OR51L1: variants seen among roughly 807,000 people sequenced by gnomAD.
OR51L1 encodes the protein olfactory receptor family 51 subfamily L member 1, also known as olfactory receptor 51L1.
Under a neutral mutation model 1.4 loss-of-function variants are expected in OR51L1, and 1 was observed. The ratio of observed to expected loss-of-function variants is 0.72; its 90% CI spans 0.26 to 3.42. OR51L1 has a LOEUF of 3.42. Among genes scored for constraint, OR51L1 ranks in the 30% most tolerant of loss-of-function variants. The pLI, the probability that OR51L1 is intolerant of heterozygous loss-of-function variation, is 0.20. For missense variants in OR51L1, 378 were observed against 380.0 expected, an observed-to-expected ratio of 0.99 and a Z score of 0.04; for synonymous variants, 156 against 144.2, an observed-to-expected ratio of 1.08 and a Z score of -0.59.
At chr11:4,997,780 A>G (rs948410095) in intron 2 of OR51L1, among the ~76,000 whole-genome samples, 197 bp downstream of exon 2, 39 of 152,318 alleles carry the variant, frequency 2.6e-4, no homozygotes, top group African/African-American at 8.7e-4. Context: ...GCTGAGGGAA[A>G]GTAAAGCCAG....
Position 5,000,829 on chromosome 11 carries a change from G to C in OR51L1, c.*899G>C, listed in dbSNP as rs1158939711. On this transcript the variant is annotated 3_prime_UTR_variant, in exon 3 of 3. Transcript: ENST00000641819. ...ACGGATGTTTATCTTGGGTCATCTGGTGGGTCATCCAGTAGTCTGGCCAGT... is the reference window on the plus strand; with the variant it reads ...ACGGATGTTTATCTTGGGTCATCTGCTGGGTCATCCAGTAGTCTGGCCAGT... 6.6e-6 allele frequency: 1 copy of C among 152,394 alleles called. No individual in the cohort carries two copies. Among genetic ancestry groups the C allele is most frequent in the Non-Finnish European group, 1.5e-5 (1 of 68,164 alleles). The allele number at this position is 152,394 out of a possible 1,614,324, so 9.4% of individuals were successfully genotyped here. A position where few individuals can be genotyped will look rare whatever the true frequency, so the allele number is the denominator to read the frequency against.
intron 1 of OR51L1, among the ~76,000 whole-genome samples, chr11:4,996,466 T>C (rs534595019): frequency 6.6e-6 from 1 of 152,162 alleles, no homozygotes; most frequent in African/African-American, 2.4e-5. Flanking sequence ...AATCTGCACA[T>C]AGGGGACTTG....
chr11:4,995,094 A>G lies in OR51L1; in HGVS notation c.-503A>G, dbSNP rs1302956285. 1.3e-5 allele frequency: 2 copies of G among 152,136 alleles called. No homozygotes were observed. Among genetic ancestry groups the G allele is most frequent in the African/African-American group, 4.8e-5 (2 of 41,454 alleles). 9.4% of individuals were successfully genotyped at this position (152,136 alleles called of 1,614,324 possible). A position where few individuals can be genotyped will look rare whatever the true frequency, so the allele number is the denominator to read the frequency against. ...ACACAAACTTAGATAAAAACAAAAT[A>G]TAAAAAAATGGCAGCAGGAAGGAGG... On this transcript the variant is annotated 5_prime_UTR_variant, in exon 1 of 3. It adds an upstream start codon to the 5' untranslated region. Transcript: ENST00000641819.
Position 5,003,569 on chromosome 11 carries a change from T to G in OR51L1, c.*3639T>G, listed in dbSNP as rs940660241. On this transcript the variant is annotated 3_prime_UTR_variant, in exon 3 of 3. Coordinates refer to ENST00000641819, the MANE Select transcript of OR51L1 (RefSeq NM_001004755.2). Reference sequence around the variant, plus strand: ...CCCAACCATTGCCTAACATTACTAGTGGGTAAGCTAGAGCCCTTTCCTGCC... The same window carrying G: ...CCCAACCATTGCCTAACATTACTAGGGGGTAAGCTAGAGCCCTTTCCTGCC... The G allele has an allele frequency of 6.6e-6, 1 of 152,076 alleles. No individual in the cohort carries two copies. The highest frequency in any genetic ancestry group is 1.5e-5 in the Non-Finnish European group (1 of 68,018). 9.4% of individuals were successfully genotyped at this position (152,076 alleles called of 1,614,324 possible). A position where few individuals can be genotyped will look rare whatever the true frequency, so the allele number is the denominator to read the frequency against.
intron 2 of OR51L1, among the ~76,000 whole-genome samples, chr11:4,998,080 T>C (rs528200639): frequency 1.3e-5 from 2 of 152,186 alleles, no homozygotes; most frequent in Admixed American, 1.3e-4. Flanking sequence ...AAATGCATTG[T>C]TCTCATTTTG....
In OR51L1 at chr11:5,005,234, A is replaced by G. The variant is rs1847165779; in HGVS notation, c.*5304A>G. On this transcript the variant is annotated 3_prime_UTR_variant, in exon 3 of 3. Coordinates refer to ENST00000641819, the MANE Select transcript of OR51L1 (RefSeq NM_001004755.2). ...CTTACAAGTTTATCTTCCCAGGTGC[A>G]GAAAAGTCAAGATTCATTTTCTTCA... 1 of 152,242 alleles carries G rather than the reference A, an allele frequency of 6.6e-6. No homozygotes were observed. Among genetic ancestry groups the G allele is most frequent in the Non-Finnish European group, 1.5e-5 (1 of 68,044 alleles). 9.4% of individuals were successfully genotyped at this position (152,242 alleles called of 1,614,324 possible). A position where few individuals can be genotyped will look rare whatever the true frequency, so the allele number is the denominator to read the frequency against.
Position 5,000,109 on chromosome 11 carries a change from G to A in OR51L1, c.*179G>A, listed in dbSNP as rs1847116900. ...AACTCAGGATTTTTTTGGACAAATT[G>A]TGACAACTATGGCCTTACGTTGTCC... is the stretch of plus-strand genomic sequence containing the variant. On this transcript the variant is annotated 3_prime_UTR_variant, in exon 3 of 3. Transcript: ENST00000641819. 4 of 633,738 alleles carry A rather than the reference G, an allele frequency of 6.3e-6. No homozygotes were observed. Among genetic ancestry groups the A allele is most frequent in the Non-Finnish European group, 1.0e-5 (4 of 389,360 alleles). 39.3% of individuals were successfully genotyped at this position (633,738 alleles called of 1,614,324 possible). A position where few individuals can be genotyped will look rare whatever the true frequency, so the allele number is the denominator to read the frequency against.
rs1847103340 is a variant in OR51L1 at position 4,999,324 on chromosome 11, C to A, written c.342C>A (p.Ser114=). The A allele has an allele frequency of 6.2e-7, 1 of 1,614,168 alleles. No homozygotes were observed. Among genetic ancestry groups the A allele is most frequent in the Non-Finnish European group, 8.5e-7 (1 of 1,180,026 alleles). The part of the protein sequence containing the change: ...FFIHTFTFLE[S]SVLLAMAFDR... ...TCCACACATTCACATTCCTGGAGTCCTCAGTGTTGCTGGCCATGGCCTTTG... is the reference window on the plus strand; with the variant it reads ...TCCACACATTCACATTCCTGGAGTCATCAGTGTTGCTGGCCATGGCCTTTG... The change falls in exon 3 of 3, where the codon TCC becomes TCA. Residue 114 remains serine (S), a synonymous_variant. Coordinates refer to ENST00000641819, the MANE Select transcript of OR51L1 (RefSeq NM_001004755.2).
chr11:4,995,872 G>T (rs1185801318), intron 1 of OR51L1, among the ~76,000 whole-genome samples: 1 of 152,058 alleles, frequency 6.6e-6, no homozygotes, highest in Non-Finnish European at 1.5e-5. Flanking sequence ...TGACAGATAT[G>T]GCAGTGAGAG....
Position 4,999,613 on chromosome 11 carries a change from G to A in OR51L1, c.631G>A (p.Val211Met), listed in dbSNP as rs377211025. The A allele has an allele frequency of 6.2e-7, 1 of 1,613,862 alleles. No homozygotes were observed. The highest frequency in any genetic ancestry group is 1.3e-5 in the African/African-American group (1 of 74,896). The change falls in exon 3 of 3, where the codon GTG (valine) becomes ATG (methionine). Residue 211 changes from valine (V) to methionine (M), a missense_variant. Physicochemically the swap from Val to Met is conservative, Grantham distance 21. Transcript: ENST00000641819. Reference sequence around the variant, plus strand: ...TTGTGTAGTCATTGCCACACTAGGTGTGGATTCAATCTTCATACTTCTTTC... The same window carrying A: ...TTGTGTAGTCATTGCCACACTAGGTATGGATTCAATCTTCATACTTCTTTC... ...GLCVVIATLGVDSIFILLSYV... is the reference protein window; with the variant it reads ...GLCVVIATLGMDSIFILLSYV...
intron 2 of OR51L1, among the ~76,000 whole-genome samples, chr11:4,997,952 C>T (rs1249266192): frequency 2.6e-5 from 4 of 151,950 alleles, no homozygotes; most frequent in Non-Finnish European, 5.9e-5. Context: ...GATTGATGAT[C>T]TTTTAAAAAT....
At chr11:4,996,745 C>CT (rs755684126) in intron 1 of OR51L1, among the ~76,000 whole-genome samples, 13 of 134,252 alleles carry the variant, frequency 9.7e-5, no homozygotes, top group Non-Finnish European at 1.5e-4. Flanking sequence ...TTCTTTCTTT[C>CT]TTTCTTTCTT....
chr11:5,001,809 T>C lies in OR51L1; in HGVS notation c.*1879T>C, dbSNP rs1847133981. ...CTTCCCCAACAATCATGAGTACTCA[T>C]TAAATAATTGAAATAACTATTATAG... On this transcript the variant is annotated 3_prime_UTR_variant, in exon 3 of 3. Transcript: ENST00000641819. The C allele has an allele frequency of 6.6e-6, 1 of 152,310 alleles. No homozygotes were observed. The highest frequency in any genetic ancestry group is 6.5e-5 in the Admixed American group (1 of 15,296). The allele number at this position is 152,310 out of a possible 1,614,324, so 9.4% of individuals were successfully genotyped here. A position where few individuals can be genotyped will look rare whatever the true frequency, so the allele number is the denominator to read the frequency against.
chr11:4,999,861 C>A lies in OR51L1; in HGVS notation c.879C>A (p.Val293=), dbSNP rs758543882. 1 of 1,613,812 alleles carries A rather than the reference C, an allele frequency of 6.2e-7. No individual in the cohort carries two copies. The highest frequency in any genetic ancestry group is 8.5e-7 in the Non-Finnish European group (1 of 1,179,910). Residue 293 remains valine, a synonymous_variant, in exon 3 of 3, where the codon GTC becomes GTA. Coordinates refer to ENST00000641819, the MANE Select transcript of OR51L1 (RefSeq NM_001004755.2). ...LLLPPVLNPI[V]YSVRTKQIRL... is the part of the protein sequence containing the mutation. ...TTCCCCCAGTCCTTAACCCTATTGT[C>A]TATAGTGTCAGAACAAAGCAGATTC...
chr11:4,996,730 T>C (rs367912203), intron 1 of OR51L1, among the ~76,000 whole-genome samples: 46 of 130,296 alleles, frequency 3.5e-4, no homozygotes, highest in Middle Eastern at 3.8e-3. Flanking sequence ...CTTTTCTTTC[T>C]TTCTTTCTTT....
Position 5,003,814 on chromosome 11 carries a change from C to T in OR51L1, c.*3884C>T, listed in dbSNP as rs1847152766. The T allele has an allele frequency of 6.6e-6, 1 of 152,044 alleles. No homozygotes were observed. The highest frequency in any genetic ancestry group is 2.4e-5 in the African/African-American group (1 of 41,416). The allele number at this position is 152,044 out of a possible 1,614,324, so 9.4% of individuals were successfully genotyped here. ...ACATTGTGAGATGTATGTATACAAC[C>T]ATCTTCTACAATCTATGTACTTTCT... is the stretch of plus-strand genomic sequence containing the variant. On this transcript the variant is annotated 3_prime_UTR_variant, in exon 3 of 3. Transcript: ENST00000641819.
chr11:4,995,781 C>A (rs1847062718), intron 1 of OR51L1, among the ~76,000 whole-genome samples: 1 of 152,004 alleles, frequency 6.6e-6, no homozygotes, highest in African/African-American at 2.4e-5. Context: ...CACAAAGAAT[C>A]ATTGTCAGTG....
chr11:4,997,394 C>G (rs941160799), intron 1 of OR51L1, 88 bp from the exon 2 acceptor site: 2 of 152,112 alleles, frequency 1.3e-5, no homozygotes, highest in Admixed American at 6.6e-5. Flanking sequence ...AGCTAGCTAG[C>G]TGGAGCCTTG....
rs1223215783 is a variant in OR51L1, at chr11:4,999,733, C to A, written c.751C>A (p.Leu251Ile). Reference protein sequence around the residue: ...NTCVSHICVVLIFFVPVIGVS... With the variant: ...NTCVSHICVVIIFFVPVIGVS... ...ATGTGTATCCCATATCTGTGTGGTG[C>A]TTATCTTCTTTGTGCCAGTTATTGG... The change falls in exon 3 of 3, where the codon CTT (leucine) becomes ATT (isoleucine). Residue 251 changes from leucine to isoleucine, a missense_variant. Physicochemically the swap from Leu to Ile is conservative, Grantham distance 5. Coordinates refer to ENST00000641819, the MANE Select transcript of OR51L1 (RefSeq NM_001004755.2). The A allele has an allele frequency of 6.2e-7, 1 of 1,613,824 alleles. No homozygotes were observed. Among genetic ancestry groups the A allele is most frequent in the Non-Finnish European group, 8.5e-7 (1 of 1,179,952 alleles).
Sources: gnomAD v4.1 joint callset for allele counts (sites outside exome capture counted in the v4.1 genomes callset) on GRCh38, gnomAD v4.1.1 for gene constraint, MANE v1.5 for transcripts, NCBI Gene and HGNC (gene_info 2026-07-23, HGNC 2026-07-21) for gene names.